The following DYSF variants were observed in gnomAD, a reference collection of about 807,000 sequenced individuals.
DYSF encodes the protein dystrophy-associated fer-1-like 1.
DYSF carries 212 observed loss-of-function variants against 274.9 expected under a neutral mutation model. That is an observed-to-expected ratio of 0.77 (90% CI 0.69 to 0.86). DYSF has a LOEUF of 0.86. DYSF is among the 40% of genes least tolerant of loss of function. DYSF has a pLI of 0.00. For missense variants in DYSF, 2,666 were observed against 2,783.2 expected, an observed-to-expected ratio of 0.96 and a Z score of 0.95; for synonymous variants, 1,091 against 1,078.7, an observed-to-expected ratio of 1.01 and a Z score of -0.22.
chr2:71,671,269 T>G (rs963370589), intron 51 of DYSF, among the ~76,000 whole-genome samples: 2 of 151,582 alleles, frequency 1.3e-5, no homozygotes, highest in Non-Finnish European at 2.9e-5. Flanking sequence ...TTCTGGGAGG[T>G]CAAGGAAAGC....
At chr2:71,542,849 C>CCAT (rs1212328197) in intron 17 of DYSF, among the ~76,000 whole-genome samples, 1 of 152,266 alleles carries the variant, frequency 6.6e-6, no homozygotes, top group African/African-American at 2.4e-5. Flanking sequence ...GACAAAACCG[C>CCAT]CATCATCATC....
At chr2:71,587,052 G>C (rs892421007) in intron 30 of DYSF, among the ~76,000 whole-genome samples, 1 of 152,216 alleles carries the variant, frequency 6.6e-6, no homozygotes, top group African/African-American at 2.4e-5. Flanking sequence ...CCTATTTCCA[G>C]CGTCCTAACC....
chr2:71,509,146 G>A (rs997988318), intron 4 of DYSF, among the ~76,000 whole-genome samples: 7 of 152,160 alleles, frequency 4.6e-5, no homozygotes, highest in Middle Eastern at 3.4e-3. Context: ...GTGAGCCACT[G>A]TGCCCAGCCG....
At chr2:71,487,932 A>G (rs1001042722) in intron 3 of DYSF, among the ~76,000 whole-genome samples, 2 of 152,238 alleles carry the variant, frequency 1.3e-5, no homozygotes, top group Admixed American at 6.5e-5. Flanking sequence ...ATCACCATCA[A>G]GTAATAATGG....
Position 71,674,150 on chromosome 2 carries a change from T to C in DYSF, c.5785-47T>C. The C allele has an allele frequency of 1.3e-6, 2 of 1,578,266 alleles. 1 individual carries two copies. The highest frequency in any genetic ancestry group is 2.2e-5 in the South Asian group (2 of 90,134). On this transcript the variant is annotated intron_variant, in intron 51 of 55. Coordinates refer to ENST00000410020, the MANE Select transcript of DYSF (RefSeq NM_001130987.2). ...AGGCTGGAAGGGAACACTGCCTCTC[T>C]CTAACCTTGCTTCCTTGCATCCTTC...
At chr2:71,640,817 C>CT (rs1459507241) in intron 41 of DYSF, among the ~76,000 whole-genome samples, 1 of 151,884 alleles carries the variant, frequency 6.6e-6, no homozygotes, top group Non-Finnish European at 1.5e-5. Flanking sequence ...AAACTTTCAT[C>CT]TTTTTCTATG....
intron 24 of DYSF, 111 bp from the exon 25 acceptor site, chr2:71,567,840 G>C (rs908646088): frequency 6.7e-7 from 1 of 1,495,532 alleles, no homozygotes; most frequent in African/African-American, 1.4e-5. Flanking sequence ...CTCCCAGTGA[G>C]GGTGTCAGCC....
intron 49 of DYSF, 81 bp downstream of exon 49, chr2:71,668,923 G>C: frequency 2.1e-6 from 3 of 1,459,528 alleles, no homozygotes; most frequent in South Asian, 1.2e-5. Context: ...CTAGGCGGTT[G>C]CTCTTTTCTG....
At chr2:71,564,970 A>C (rs1189366183) in intron 24 of DYSF, among the ~76,000 whole-genome samples, 2 of 151,990 alleles carry the variant, frequency 1.3e-5, no homozygotes, top group Non-Finnish European at 2.9e-5. Context: ...AATGCGGGAG[A>C]TCCCTCCCTG....
chr2:71,611,060 T>A, intron 36 of DYSF, 185 bp from the exon 37 acceptor site: 2 of 647,202 alleles, frequency 3.1e-6, no homozygotes, highest in Non-Finnish European at 2.8e-6. Context: ...CTGGAGAAGA[T>A]GATGCCTGGC....
At chr2:71,512,526 T>A (rs2086204050) in intron 5 of DYSF, among the ~76,000 whole-genome samples, 1 of 152,124 alleles carries the variant, frequency 6.6e-6, no homozygotes, top group Admixed American at 6.5e-5. Flanking sequence ...CTGTCTCAGC[T>A]CTCTTCACTT....
intron 1 of DYSF, among the ~76,000 whole-genome samples, chr2:71,460,750 G>A (rs1284060609): frequency 1.3e-5 from 2 of 152,050 alleles, no homozygotes; most frequent in South Asian, 2.1e-4. Flanking sequence ...CAGAACAGAT[G>A]TGGGGAGACC....
intron 3 of DYSF, among the ~76,000 whole-genome samples, chr2:71,488,350 A>G (rs1429921902): frequency 1.3e-5 from 2 of 152,202 alleles, no homozygotes; most frequent in African/African-American, 4.8e-5. Context: ...TTATATTTAA[A>G]TGTTTGGTAA....
At chr2:71,619,685 G>T (rs543839527) in intron 40 of DYSF, among the ~76,000 whole-genome samples, 2 of 152,308 alleles carry the variant, frequency 1.3e-5, no homozygotes, top group South Asian at 4.1e-4. Flanking sequence ...CGAACGGGCT[G>T]TGCTTCTTTC....
intron 4 of DYSF, among the ~76,000 whole-genome samples, chr2:71,509,384 A>T (rs907445404): frequency 2.0e-5 from 3 of 151,712 alleles, no homozygotes; most frequent in African/African-American, 7.3e-5. Context: ...GCTGGTTTTG[A>T]ACTCTGGGCT....
chr2:71,571,135 C>T (rs550534919), intron 29 of DYSF, among the ~76,000 whole-genome samples: 1 of 150,846 alleles, frequency 6.6e-6, no homozygotes, highest in South Asian at 2.1e-4. Flanking sequence ...ACAGATCACA[C>T]CCAGCGCATG....
chr2:71,640,688 G>A (rs1257797778), intron 41 of DYSF, among the ~76,000 whole-genome samples: 1 of 151,832 alleles, frequency 6.6e-6, no homozygotes, highest in Non-Finnish European at 1.5e-5. Flanking sequence ...CCATCTGTTC[G>A]TTAGTGTTTT....
At chr2:71,601,674 C>A in intron 35 of DYSF, 146 bp downstream of exon 35, 1 of 1,087,772 alleles carries the variant, frequency 9.2e-7, no homozygotes, top group African/African-American at 1.6e-5. Flanking sequence ...GAGGAGGGCC[C>A]GGGCTGGAGG....
chr2:71,468,333 C>T (rs1380380225), intron 1 of DYSF, among the ~76,000 whole-genome samples: 1 of 152,224 alleles, frequency 6.6e-6, no homozygotes, highest in Non-Finnish European at 1.5e-5. Context: ...TGTCCTGTAA[C>T]AGTCCTGTGG....
Sources: allele counts gnomAD v4.1 joint callset (sites outside exome capture counted in the v4.1 genomes callset), GRCh38; gene constraint gnomAD v4.1.1; transcripts MANE v1.5; gene names NCBI Gene and HGNC (gene_info 2026-07-23, HGNC 2026-07-21).